Variants in THOC1 observed in about 807,000 individuals in gnomAD.
THOC1 encodes THO complex 1.
A neutral mutation model predicts 97.3 loss-of-function variants in THOC1; 29 were observed. The ratio of observed to expected loss-of-function variants is 0.30; its 90% CI spans 0.22 to 0.41. The LOEUF (loss-of-function observed/expected upper bound fraction) is 0.41. THOC1 is among the 10% of genes least tolerant of loss of function. The pLI, the probability that THOC1 is intolerant of heterozygous loss-of-function variation, is 1.00. For synonymous variants in THOC1, 255 were observed against 257.0 expected (o/e 0.99, Z 0.07); for missense variants, 529 against 761.9 (o/e 0.69, Z 3.60).
At chr18:256,350 A>G (rs548213520) in intron 7 of THOC1, among the ~76,000 whole-genome samples, 1 of 152,292 alleles carries the variant, frequency 6.6e-6, no homozygotes, top group Admixed American at 6.5e-5. Flanking sequence ...GTTGATTCCA[A>G]CCCTCATAGA....
chr18:260,135 C>A, intron 5 of THOC1, 51 bp downstream of exon 5: 1 of 1,198,798 alleles, frequency 8.3e-7, no homozygotes, highest in Non-Finnish European at 1.1e-6. Context: ...CCTCAGAATT[C>A]TGGATCTATA....
In THOC1 at chr18:218,887, T is replaced by C; in HGVS notation, c.1453A>G (p.Lys485Glu). 6.3e-7 allele frequency: 1 copy of C among 1,592,776 alleles called. No individual in the cohort carries two copies. The highest frequency in any genetic ancestry group is 8.6e-7 in the Non-Finnish European group (1 of 1,167,656). Reference sequence around the variant, plus strand: ...GGAGCTAATGAGGAGCATACTTACTTATATTCATTTTCCACCATATTTTCA... The same window carrying C: ...GGAGCTAATGAGGAGCATACTTACTCATATTCATTTTCCACCATATTTTCA... Reference protein sequence around the residue: ...DPENMVENEYKAVNNSNYGWR... With the variant: ...DPENMVENEYEAVNNSNYGWR... Residue 485 changes from lysine to glutamate, a missense_variant and splice_region_variant, in exon 18 of 21, where the codon AAG (lysine) becomes GAG (glutamate). Transcript: ENST00000261600.
intron 7 of THOC1, among the ~76,000 whole-genome samples, chr18:255,194 G>A (rs142827149): frequency 1.3e-5 from 2 of 152,162 alleles, no homozygotes; most frequent in Non-Finnish European, 2.9e-5. Context: ...GATTCTAAGT[G>A]TCAAGTAAAA....
intron 15 of THOC1, among the ~76,000 whole-genome samples, chr18:224,517 TGCGG>T: frequency 6.7e-6 from 1 of 150,002 alleles, no homozygotes; most frequent in East Asian, 2.0e-4. Flanking sequence ...AGGCGGAGGC[TGCGG>T]TGAGCCAAGA....
rs1033027952 is a variant in THOC1, at chr18:239,997, G to A, written c.918+6327C>T. Among the ~76,000 whole-genome samples the A allele has an allele frequency of 6.6e-4, 101 of 152,090 alleles. 1 individual carries two copies. The highest frequency in any genetic ancestry group is 2.3e-3 in the African/African-American group (94 of 41,486). The stretch of plus-strand genomic sequence containing the variant: ...AAAGGTCTATTAACATTTAAAATAT[G>A]ACTTTGTTATGCTTTTGTGTAATCA... On this transcript the variant is annotated intron_variant, in intron 11 of 20. Coordinates refer to ENST00000261600, the MANE Select transcript of THOC1 (RefSeq NM_005131.3).
intron 10 of THOC1, among the ~76,000 whole-genome samples, chr18:246,716 C>T (rs1912100996): frequency 6.6e-6 from 1 of 151,932 alleles, no homozygotes; most frequent in African/African-American, 2.4e-5. Flanking sequence ...GTGGCTCACG[C>T]CTGTAATCCC....
At chr18:256,528 A>T (rs573126825) in intron 7 of THOC1, among the ~76,000 whole-genome samples, 2 of 152,354 alleles carry the variant, frequency 1.3e-5, no homozygotes, top group South Asian at 4.1e-4. Flanking sequence ...CGAATGAGCA[A>T]AGAAAGTGGT....
intron 7 of THOC1, among the ~76,000 whole-genome samples, chr18:257,918 AAG>A (rs1479317325): frequency 6.6e-6 from 1 of 152,158 alleles, no homozygotes; most frequent in Non-Finnish European, 1.5e-5. Context: ...GTTCCAGAAA[AAG>A]AAAAAGATAA....
chr18:250,870 CTT>C (rs1216706243), intron 9 of THOC1, among the ~76,000 whole-genome samples: 1 of 152,132 alleles, frequency 6.6e-6, no homozygotes, highest in Non-Finnish European at 1.5e-5. Flanking sequence ...TGGCCAGTGT[CTT>C]TTGGGCTGTT....
intron 11 of THOC1, among the ~76,000 whole-genome samples, chr18:237,114 C>T (rs1047935482): frequency 6.7e-6 from 1 of 150,308 alleles, no homozygotes; most frequent in Non-Finnish European, 1.5e-5. Flanking sequence ...GACTGTGTGG[C>T]TTGAGAGATT....
chr18:225,321 T>G lies in THOC1; in HGVS notation c.1086+16A>C, dbSNP rs755941042. ...TCCATTTTTTCAATCATGGGTTTGT[T>G]GCGTGTTGAACTTACTTGATAAACT... On this transcript the variant is annotated intron_variant, in intron 13 of 20. Transcript: ENST00000261600. 6.2e-7 allele frequency: 1 copy of G among 1,612,538 alleles called. No individual in the cohort carries two copies. The highest frequency in any genetic ancestry group is 1.1e-5 in the South Asian group (1 of 90,984).
Position 214,536 on chromosome 18 carries a change from T to C in THOC1, c.*90A>G, listed in dbSNP as rs972245156. On this transcript the variant is annotated 3_prime_UTR_variant, in exon 21 of 21. Transcript: ENST00000261600. ...GTACAACAATTGTTATAAAAATGTT[T>C]ATTGTTTACCAAAACCAGTGGACCT... is the stretch of plus-strand genomic sequence containing the variant. 1.2e-5 allele frequency: 13 copies of C among 1,046,228 alleles called. No individual in the cohort carries two copies. The highest frequency in any genetic ancestry group is 1.6e-5 in the South Asian group (1 of 62,522). 64.8% of individuals were successfully genotyped at this position (1,046,228 alleles called of 1,614,324 possible).
chr18:221,085 G>C (rs1911060851), intron 17 of THOC1, among the ~76,000 whole-genome samples: 1 of 152,034 alleles, frequency 6.6e-6, no homozygotes, highest in Admixed American at 6.6e-5. Flanking sequence ...TTTCCATTAT[G>C]ACTTCTTTGA....
chr18:234,729 C>T (rs1352547009), intron 11 of THOC1, among the ~76,000 whole-genome samples: 1 of 151,898 alleles, frequency 6.6e-6, no homozygotes, highest in Non-Finnish European at 1.5e-5. Context: ...ATGAACCATA[C>T]TTACATTCCT....
intron 17 of THOC1, 125 bp downstream of exon 17, chr18:223,315 G>T: frequency 1.5e-6 from 1 of 673,902 alleles, no homozygotes; most frequent in Non-Finnish European, 2.4e-6. Flanking sequence ...ACACGCTGCT[G>T]TGCCAAAAGT....
rs1912827469 is a variant in THOC1 at position 267,785 on chromosome 18, AAAG to A, written c.54+178_54+180del. On this transcript the variant is annotated intron_variant, in intron 1 of 20. Transcript: ENST00000261600. The stretch of plus-strand genomic sequence containing the variant: ...GGCGGAGGCGGACGGCCCAGCCCAC[AAAG>A]AAGAGGCGGGTAGTGCGTCTTTCCC... Among the ~76,000 whole-genome samples, 5 of 152,280 alleles carry A rather than the reference AAAG, an allele frequency of 3.3e-5. No homozygotes were observed. In the South Asian group the frequency reaches 1.0e-3, roughly 32 times the overall value.
intron 7 of THOC1, among the ~76,000 whole-genome samples, chr18:256,481 A>T (rs143839403): frequency 2.1e-3 from 318 of 152,326 alleles, no homozygotes; most frequent in African/African-American, 7.4e-3. Context: ...CTGCAATCTC[A>T]TGATTGGACT....
intron 7 of THOC1, among the ~76,000 whole-genome samples, chr18:256,447 G>A (rs2143285546): frequency 6.6e-6 from 1 of 152,320 alleles, no homozygotes; most frequent in East Asian, 1.9e-4. Context: ...ATTAGAAGTG[G>A]AGCCTGAAGA....
At chr18:248,851 A>C (rs1278975337) in intron 9 of THOC1, among the ~76,000 whole-genome samples, 1 of 152,036 alleles carries the variant, frequency 6.6e-6, no homozygotes, top group East Asian at 1.9e-4. Context: ...CCCGGGTTCA[A>C]GCGATTCTCC....
Sources: gnomAD v4.1 joint callset for allele counts (sites outside exome capture counted in the v4.1 genomes callset) on GRCh38, gnomAD v4.1.1 for gene constraint, MANE v1.5 for transcripts, NCBI Gene and HGNC (gene_info 2026-07-23, HGNC 2026-07-21) for gene names.